OTOA: variants seen among roughly 807,000 people sequenced by gnomAD.
The protein encoded by OTOA is cancer/testis antigen 108.
A neutral mutation model predicts 110.8 loss-of-function variants in OTOA; 70 were observed. That is an observed-to-expected ratio of 0.63 (90% CI 0.52 to 0.77). OTOA has a LOEUF of 0.77. OTOA is among the 30% of genes least tolerant of loss of function. The pLI, the probability that OTOA is intolerant of heterozygous loss-of-function variation, is 0.00. For synonymous variants in OTOA, 373 were observed against 431.5 expected (o/e 0.86, Z 1.68); for missense variants, 917 against 1,075.8 (o/e 0.85, Z 2.06).
At chr16:21,704,714 T>C (rs1026266775) in intron 11 of OTOA, among the ~76,000 whole-genome samples, 1 of 152,120 alleles carries the variant, frequency 6.6e-6, no homozygotes, top group Non-Finnish European at 1.5e-5. Context: ...ACTAGGTTTT[T>C]GTAGAGAGAA....
chr16:21,681,803 C>T lies in OTOA; in HGVS notation c.245C>T (p.Ala82Val). 6.2e-7 allele frequency: 1 copy of T among 1,613,960 alleles called. No individual in the cohort carries two copies. The highest frequency in any genetic ancestry group is 8.5e-7 in the Non-Finnish European group (1 of 1,179,876). The change falls in exon 6 of 29, where the codon GCC becomes GTC. Residue 82 changes from alanine (A) to valine (V), a missense_variant. Ala to Val is a moderately conservative substitution (Grantham distance 64). Transcript: ENST00000646100. ...VLAYLNSRNV[A>V]FTIPSLQAAV... ...GCCTATCTGAATTCCCGGAATGTTGCCTTCACCATCCCCAGCCTGCAGGTG... is the reference window on the plus strand; with the variant it reads ...GCCTATCTGAATTCCCGGAATGTTGTCTTCACCATCCCCAGCCTGCAGGTG...
rs377576257 is a variant in OTOA at position 21,754,479 on chromosome 16, CGAG to C, written c.3153+1360_3153+1362del. ...CTGTAATCCCAGCACTTTGGGAGGC[CGAG>C]GAGGGTGGATCACCAGGTCAGGAGA... On this transcript the variant is annotated intron_variant, in intron 27 of 28. Coordinates refer to ENST00000646100, the MANE Select transcript of OTOA (RefSeq NM_144672.4). 4.1e-4 allele frequency among the ~76,000 whole-genome samples: 46 copies of C among 110,950 alleles called. 13 individuals are homozygous for C. The East Asian group carries it at 0.011, about 26-fold the overall frequency. The allele number at this position is 110,950 out of a possible 152,430, so 72.8% of individuals were successfully genotyped here.
At position 21,688,918 on chromosome 16, in the gene OTOA, G is replaced by T. The variant is rs192946195; in HGVS notation, c.635+1270G>T. Among the ~76,000 whole-genome samples, 51 of 152,276 alleles carry T rather than the reference G, an allele frequency of 3.3e-4. No individual in the cohort carries two copies. In the East Asian group the frequency reaches 9.4e-3, roughly 28 times the overall value. On this transcript the variant is annotated intron_variant, in intron 8 of 28. Transcript: ENST00000646100. The stretch of plus-strand genomic sequence containing the variant: ...ATTGATTTAAAAACAATCTGAGTGT[G>T]TTTTAAAGATTCACTGGCACTAAAC...
rs56124254 is a variant in OTOA, at chr16:21,697,037, C to CTTTTTT, written c.740-719_740-714dup. Among the ~76,000 whole-genome samples, 244 of 65,050 alleles carry CTTTTTT rather than the reference C, an allele frequency of 3.8e-3. 3 individuals are homozygous for CTTTTTT. Among genetic ancestry groups the CTTTTTT allele is most frequent in the Middle Eastern group, 0.019 (1 of 54 alleles). 42.7% of individuals were successfully genotyped at this position (65,050 alleles called of 152,430 possible). A position where few individuals can be genotyped will look rare whatever the true frequency, so the allele number is the denominator to read the frequency against. On this transcript the variant is annotated intron_variant, in intron 9 of 28. Transcript: ENST00000646100. ...CCTGAGTAGCTGGGACTACAGCTGG[C>CTTTTTT]TTTTTTTTTTTTTTTTTTTTTTTTG...
At chr16:21,664,937 C>T (rs1436068085) in intron 1 of OTOA, among the ~76,000 whole-genome samples, 1 of 151,440 alleles carries the variant, frequency 6.6e-6, no homozygotes, top group Non-Finnish European at 1.5e-5. Flanking sequence ...AGGCCACTGC[C>T]CTCCATTCTG....
chr16:21,709,923 C>A lies in OTOA; in HGVS notation c.1140C>A (p.Asn380Lys), dbSNP rs950339736. The A allele has an allele frequency of 6.2e-7, 1 of 1,613,862 alleles. No homozygotes were observed. Among genetic ancestry groups the A allele is most frequent in the Non-Finnish European group, 8.5e-7 (1 of 1,179,926 alleles). Residue 380 changes from asparagine to lysine, a missense_variant, in exon 13 of 29, where the codon AAC becomes AAA. Coordinates refer to ENST00000646100, the MANE Select transcript of OTOA (RefSeq NM_144672.4). ...AACTCCTGGACATTGCCATGGAGAA[C>A]CAGACCCTCAATGAGACCCTGGGTT... ...KAELLDIAMENQTLNETLGSL... is the reference protein window; with the variant it reads ...KAELLDIAMEKQTLNETLGSL...
chr16:21,679,055 G>A lies in OTOA; in HGVS notation c.140G>A (p.Ser47Asn). ...QNMAEEIIDGSYLNALLDLIQ... is the reference protein window; with the variant it reads ...QNMAEEIIDGNYLNALLDLIQ... ...TTTTAGGAAGAAATAATAGATGGAA[G>A]CTATCTGAATGGTAATGTGCCCCCT... Residue 47 changes from serine (S) to asparagine (N), a missense_variant, in exon 4 of 29, where the codon AGC (serine) becomes AAC (asparagine). Transcript: ENST00000646100. 3.1e-6 allele frequency: 5 copies of A among 1,614,038 alleles called. No homozygotes were observed. Among genetic ancestry groups the A allele is most frequent in the African/African-American group, 1.3e-5 (1 of 75,038 alleles).
intron 26 of OTOA, 139 bp downstream of exon 26, chr16:21,752,644 G>A (rs1899865034): frequency 4.3e-6 from 1 of 234,270 alleles, no homozygotes; most frequent in Admixed American, 6.2e-5. Flanking sequence ...ATTTGAAGTT[G>A]CAGAGGGTGG....
intron 9 of OTOA, among the ~76,000 whole-genome samples, chr16:21,696,078 A>G (rs915019354): frequency 6.6e-5 from 10 of 151,168 alleles, no homozygotes; most frequent in Non-Finnish European, 1.3e-4. Context: ...TAGTTTTATT[A>G]GAGATGGGGT....
intron 7 of OTOA, 138 bp downstream of exon 7, chr16:21,685,499 T>A: frequency 7.9e-7 from 1 of 1,267,234 alleles, no homozygotes; most frequent in Admixed American, 2.1e-5. Context: ...TCCAACCCCC[T>A]GGGGGCTTTA....
intron 1 of OTOA, among the ~76,000 whole-genome samples, chr16:21,671,924 G>T (rs1215773380): frequency 2.0e-5 from 3 of 152,078 alleles, no homozygotes; most frequent in Non-Finnish European, 4.4e-5. Flanking sequence ...TTGAAACCAG[G>T]AGTTTGAGAC....
In OTOA at chr16:21,694,148, G is replaced by T. The variant is rs778411605; in HGVS notation, c.739+2461G>T. 4.3e-4 allele frequency among the ~76,000 whole-genome samples: 65 copies of T among 152,062 alleles called. 1 individual carries two copies. The highest frequency in any genetic ancestry group is 3.4e-3 in the Middle Eastern group (1 of 294). ...GATTTTCCTTTCAGCTATTAAAAAA[G>T]GTAAAAAGCAGGCAGGGTGCAGTGG... On this transcript the variant is annotated intron_variant, in intron 9 of 28. Coordinates refer to ENST00000646100, the MANE Select transcript of OTOA (RefSeq NM_144672.4).
At chr16:21,693,373 A>G (rs1897871878) in intron 9 of OTOA, among the ~76,000 whole-genome samples, 1 of 152,204 alleles carries the variant, frequency 6.6e-6, no homozygotes, top group Non-Finnish European at 1.5e-5. Context: ...TTAAACCTTT[A>G]ATGTCAGTAA....
intron 21 of OTOA, among the ~76,000 whole-genome samples, chr16:21,735,335 G>A (rs568574747): frequency 2.0e-5 from 3 of 151,688 alleles, no homozygotes; most frequent in Non-Finnish European, 4.4e-5. Context: ...TGGGGGAGGT[G>A]CTACATGCAT....
At chr16:21,704,827 A>T (rs1681798300) in intron 11 of OTOA, 1 of 736,854 alleles carries the variant, frequency 1.4e-6, no homozygotes, top group African/African-American at 1.7e-5. Flanking sequence ...GGGTAATGAG[A>T]CTTGATCTGA....
intron 9 of OTOA, among the ~76,000 whole-genome samples, chr16:21,695,866 G>GATATAGATATATATATATATAT (rs1897920895): frequency 1.4e-5 from 1 of 72,720 alleles, no homozygotes; most frequent in African/African-American, 6.3e-5. Flanking sequence ...CTAGACTTGA[G>GATATAGATATATATATATATAT]ATATATATAT....
chr16:21,728,523 C>T, intron 20 of OTOA, 92 bp downstream of exon 20: 1 of 1,429,892 alleles, frequency 7.0e-7, no homozygotes, highest in South Asian at 1.2e-5. Flanking sequence ...AACAGAGTCT[C>T]TGGCTTAGGA....
At chr16:21,695,132 GCTTACAC>G (rs1897905191) in intron 9 of OTOA, among the ~76,000 whole-genome samples, 1 of 151,952 alleles carries the variant, frequency 6.6e-6, no homozygotes, top group Non-Finnish European at 1.5e-5. Context: ...AGGTGTGGTC[GCTTACAC>G]CTCTAATCCT....
At chr16:21,734,859 C>T (rs2141729708) in intron 21 of OTOA, among the ~76,000 whole-genome samples, 1 of 151,840 alleles carries the variant, frequency 6.6e-6, no homozygotes, top group Middle Eastern at 3.4e-3. Context: ...ACAAACACTG[C>T]CAGGCACAGT....
Sources: gnomAD v4.1 joint callset for allele counts (sites outside exome capture counted in the v4.1 genomes callset) on GRCh38, gnomAD v4.1.1 for gene constraint, MANE v1.5 for transcripts, NCBI Gene and HGNC (gene_info 2026-07-23, HGNC 2026-07-21) for gene names.